Variants in EXD3 observed in about 807,000 individuals in gnomAD.
The protein encoded by EXD3 is exonuclease mut-7 homolog.
Under a neutral mutation model 98.0 loss-of-function variants are expected in EXD3, and 92 were observed. That is an observed-to-expected ratio of 0.94 (90% CI 0.79 to 1.12). The LOEUF is 1.12. EXD3 is among the 50% of genes most tolerant of loss of function. The pLI is 0.00. For synonymous variants in EXD3, 569 were observed against 526.0 expected, an observed-to-expected ratio of 1.08 and a Z score of -1.12; for missense variants, 1,222 against 1,191.6, an observed-to-expected ratio of 1.03 and a Z score of -0.38.
intron 2 of EXD3, among the ~76,000 whole-genome samples, chr9:137,394,985 C>T (rs1293686036): frequency 6.6e-6 from 1 of 152,134 alleles, no homozygotes; most frequent in African/African-American, 2.4e-5. Flanking sequence ...CCAGAGCTCC[C>T]ACCTCTGCGG....
chr9:137,384,163 G>GCC, intron 2 of EXD3, among the ~76,000 whole-genome samples: 2 of 152,324 alleles, frequency 1.3e-5, no homozygotes, highest in Admixed American at 1.3e-4. Flanking sequence ...AAGCTGCTGG[G>GCC]CCCCCCTGCA....
chr9:137,362,056 C>A (rs948482824), intron 7 of EXD3, among the ~76,000 whole-genome samples: 1 of 152,070 alleles, frequency 6.6e-6, no homozygotes, highest in African/African-American at 2.4e-5. Flanking sequence ...ATCCGAATAG[C>A]CCTATTTTAA....
chr9:137,349,286 T>C lies in EXD3; in HGVS notation c.1658-4A>G, dbSNP rs557149256. 1.2e-5 allele frequency: 19 copies of C among 1,562,056 alleles called. No individual in the cohort carries two copies. In the African/African-American group the frequency reaches 2.6e-4, roughly 21 times the overall value. ...AGCAGGCAGTAGGCGTCGGCAGCTG[T>C]GTGGGGAGTCGGCCTCAGCCTCCCG... is the stretch of plus-strand genomic sequence containing the variant. On this transcript the variant is annotated splice_region_variant and splice_polypyrimidine_tract_variant and intron_variant, in intron 15 of 21. Transcript: ENST00000340951. The surrounding 1 kb of genome is among the most constrained non-coding windows in gnomAD (Gnocchi z 7.4).
intron 1 of EXD3, among the ~76,000 whole-genome samples, chr9:137,410,514 C>T (rs1364138122): frequency 6.6e-6 from 1 of 151,548 alleles, no homozygotes; most frequent in Non-Finnish European, 1.5e-5. Context: ...AATTAACAAC[C>T]AACCCTTTTA....
chr9:137,342,877 T>C (rs1003719213), intron 17 of EXD3, among the ~76,000 whole-genome samples: 3 of 152,128 alleles, frequency 2.0e-5, no homozygotes, highest in Non-Finnish European at 4.4e-5. Flanking sequence ...ATCCCAGCAC[T>C]TTGGGAGGCC....
At chr9:137,419,917 T>C (rs977656456) in intron 1 of EXD3, among the ~76,000 whole-genome samples, 1 of 152,058 alleles carries the variant, frequency 6.6e-6, no homozygotes, top group African/African-American at 2.4e-5. Context: ...CCCAGCACTT[T>C]GGGAGGCCAA....
intron 19 of EXD3, among the ~76,000 whole-genome samples, chr9:137,317,187 C>T (rs1482427450): frequency 6.6e-6 from 1 of 152,106 alleles, no homozygotes; most frequent in Non-Finnish European, 1.5e-5. Flanking sequence ...GCAGGGGAGG[C>T]GGCCCCAGGC....
At chr9:137,418,724 T>C (rs1838361007) in intron 1 of EXD3, among the ~76,000 whole-genome samples, 1 of 151,914 alleles carries the variant, frequency 6.6e-6, no homozygotes, top group Admixed American at 6.6e-5. Flanking sequence ...ACATTTCGTG[T>C]AGTAATAAGA....
chr9:137,366,659 C>T (rs922286063), intron 6 of EXD3, 27 bp from the exon 7 acceptor site: 46 of 1,540,566 alleles, frequency 3.0e-5, no homozygotes, highest in Middle Eastern at 2.1e-4. Flanking sequence ...GGTCAGGCCA[C>T]AGCCTCCGCC....
intron 7 of EXD3, chr9:137,365,522 A>T (rs1835179681): frequency 6.2e-6 from 1 of 160,350 alleles, no homozygotes; most frequent in Non-Finnish European, 1.4e-5. Flanking sequence ...GCAGGCACAC[A>T]CACGTACACA....
intron 17 of EXD3, among the ~76,000 whole-genome samples, chr9:137,337,650 C>CA (rs879402529): frequency 2.2e-4 from 33 of 147,150 alleles, no homozygotes; most frequent in African/African-American, 5.8e-4. Context: ...GATTTCTTCT[C>CA]AAAAAAAAAG....
At chr9:137,415,501 G>A (rs992738470) in intron 1 of EXD3, among the ~76,000 whole-genome samples, 1 of 152,158 alleles carries the variant, frequency 6.6e-6, no homozygotes, top group Admixed American at 6.5e-5. Flanking sequence ...CCCAGGCTGC[G>A]GTTTTGAAGG....
At chr9:137,399,624 T>C (rs919413638) in intron 1 of EXD3, among the ~76,000 whole-genome samples, 1 of 152,170 alleles carries the variant, frequency 6.6e-6, no homozygotes, top group Non-Finnish European at 1.5e-5. Context: ...ACGCTGCTGA[T>C]AAAGACATAC....
intron 2 of EXD3, chr9:137,391,730 C>G (rs1407548950): frequency 6.6e-6 from 1 of 152,284 alleles, no homozygotes; most frequent in Admixed American, 6.5e-5. Flanking sequence ...AAGGAAGGCT[C>G]AAGCGCCGCC....
At chr9:137,415,632 G>A (rs1412406351) in intron 1 of EXD3, among the ~76,000 whole-genome samples, 1 of 152,210 alleles carries the variant, frequency 6.6e-6, no homozygotes, top group Admixed American at 6.5e-5. Flanking sequence ...GCAAGGACGG[G>A]TCAGGTGGCC....
intron 3 of EXD3, among the ~76,000 whole-genome samples, chr9:137,373,923 C>T (rs76719565): frequency 0.026 from 3,976 of 152,358 alleles, 176 homozygotes; most frequent in African/African-American, 0.09. Context: ...CTGCGGCACT[C>T]GCGGGACACG....
Position 137,324,751 on chromosome 9 carries a change from G to A in EXD3, c.1999-608C>T, listed in dbSNP as rs547682436. ...TCTTTCGCCCAGGCCGGAGTGCAGT[G>A]GCGCTGTCTTGGCTCACTGCAAGCT... is the stretch of plus-strand genomic sequence containing the variant. On this transcript the variant is annotated intron_variant, in intron 17 of 21. Coordinates refer to ENST00000340951, the MANE Select transcript of EXD3 (RefSeq NM_017820.5). The surrounding 1 kb of genome is among the most constrained non-coding windows in gnomAD (Gnocchi z 4.1). 6.6e-6 allele frequency among the ~76,000 whole-genome samples: 1 copy of A among 152,188 alleles called. No individual in the cohort carries two copies. Among genetic ancestry groups the A allele is most frequent in the Non-Finnish European group, 1.5e-5 (1 of 68,028 alleles).
chr9:137,323,831 C>T lies in EXD3; in HGVS notation c.2078G>A (p.Arg693His), dbSNP rs200104609. 184 of 1,611,744 alleles carry T rather than the reference C, an allele frequency of 1.1e-4. 1 individual carries two copies. In the Middle Eastern group the frequency reaches 1.2e-3, roughly 11 times the overall value. Reference sequence around the variant, plus strand: ...CAGGGAGCAGTCGACCGAGAGGCAGCGCCCAGCCCCGACCTGGGCCCGGAG... The same window carrying T: ...CAGGGAGCAGTCGACCGAGAGGCAGTGCCCAGCCCCGACCTGGGCCCGGAG... ...HKLRAQVGAG[R>H]CLSVDCSLKA... Residue 693 changes from arginine to histidine, a missense_variant, in exon 19 of 22, where the codon CGC (arginine) becomes CAC (histidine). By Grantham distance (29) the Arg-to-His change is conservative (BLOSUM62 0). Transcript: ENST00000340951.
intron 3 of EXD3, among the ~76,000 whole-genome samples, chr9:137,375,563 C>T (rs539435005): frequency 5.6e-4 from 85 of 152,126 alleles, no homozygotes; most frequent in African/African-American, 1.8e-3. Context: ...TGAGTCCTAG[C>T]GCTGGCAAGT....
Sources: allele counts gnomAD v4.1 joint callset (sites outside exome capture counted in the v4.1 genomes callset), GRCh38; gene constraint gnomAD v4.1.1; non-coding constraint Gnocchi (gnomAD v3.1); transcripts MANE v1.5; gene names NCBI Gene and HGNC (gene_info 2026-07-23, HGNC 2026-07-21).